CD302: variants seen among roughly 807,000 people sequenced by gnomAD.
CD302 encodes CD302 molecule.
Under a neutral mutation model 26.5 loss-of-function variants are expected in CD302, and 23 were observed. The ratio of observed to expected loss-of-function variants is 0.87; its 90% confidence interval spans 0.62 to 1.23. The LOEUF (loss-of-function observed/expected upper bound fraction) is 1.23. Ranked by LOEUF, CD302 falls within the 50% of genes most tolerant of loss-of-function variation. CD302 has a pLI of 0.00. For missense variants in CD302, 290 were observed against 275.5 expected, an observed-to-expected ratio of 1.05 and a Z score of -0.37; for synonymous variants, 90 against 99.4, an observed-to-expected ratio of 0.91 and a Z score of 0.56.
At chr2:159,794,269 C>CAATAAAATAAAATAA (rs746352509) in intron 1 of CD302, among the ~76,000 whole-genome samples, 1,279 of 108,384 alleles carry the variant, frequency 0.012, 51 homozygotes, top group African/African-American at 0.042. Context: ...TGTCTCAAAA[C>CAATAAAATAAAATAA]AATAAAATAA....
At position 159,771,866 on chromosome 2, in the gene CD302, AG is replaced by A. The variant is rs778627989; in HGVS notation, c.683del (p.Pro228LeufsTer13). On this transcript the variant is annotated frameshift_variant, in exon 6 of 6. Coordinates refer to ENST00000259053, the MANE Select transcript of CD302 (RefSeq NM_014880.5). LOFTEE classifies it high-confidence loss of function. Reference protein sequence around the residue: ...VLVVGEENEYPVQFD With the variant: ...VLVVGEENEYXVQFD ...TACCAAAAACTTAGTCAAATTGAACAGGATATTCATTTTCTTCTCCAACTAC... is the reference window on the plus strand; with the variant it reads ...TACCAAAAACTTAGTCAAATTGAACAGATATTCATTTTCTTCTCCAACTAC... 10 of 1,613,914 alleles carry A rather than the reference AG, an allele frequency of 6.2e-6. No homozygotes were observed. Among genetic ancestry groups the A allele is most frequent in the Non-Finnish European group, 8.5e-6 (10 of 1,179,838 alleles).
At chr2:159,772,928 C>G (rs1708199756) in intron 5 of CD302, among the ~76,000 whole-genome samples, 1 of 151,968 alleles carries the variant, frequency 6.6e-6, no homozygotes, top group Admixed American at 6.6e-5. Flanking sequence ...GAGGAAATGG[C>G]CCCAAGTGAA....
chr2:159,774,378 G>GT (rs1364984719), intron 5 of CD302, among the ~76,000 whole-genome samples: 2 of 152,050 alleles, frequency 1.3e-5, no homozygotes, highest in African/African-American at 4.8e-5. Flanking sequence ...TTTTTCTTCT[G>GT]TTTCCTATTT....
intron 1 of CD302, among the ~76,000 whole-genome samples, chr2:159,783,940 G>T (rs1444656965): frequency 6.6e-6 from 1 of 152,128 alleles, no homozygotes; most frequent in African/African-American, 2.4e-5. Flanking sequence ...ATTCACACAA[G>T]TTTTCATATT....
intron 5 of CD302, among the ~76,000 whole-genome samples, chr2:159,772,310 G>GTA (rs1180531683): frequency 6.6e-6 from 1 of 152,206 alleles, no homozygotes; most frequent in African/African-American, 2.4e-5. Context: ...AATCACGCAA[G>GTA]TATATACCAT....
In CD302 at chr2:159,771,536, T is replaced by C. The variant is rs926938121; in HGVS notation, c.*315A>G. ...AAGTGGGTCAACTAAATAGGGAAGA[T>C]ACAGCAGGCAAGACAAATAGGCTGG... On this transcript the variant is annotated 3_prime_UTR_variant, in exon 6 of 6. Coordinates refer to ENST00000259053, the MANE Select transcript of CD302 (RefSeq NM_014880.5). The C allele has an allele frequency of 1.7e-5, 4 of 234,202 alleles. No homozygotes were observed. Among genetic ancestry groups the C allele is most frequent in the African/African-American group, 6.9e-5 (3 of 43,438 alleles). 14.5% of individuals were successfully genotyped at this position (234,202 alleles called of 1,614,324 possible). A position where few individuals can be genotyped will look rare whatever the true frequency, so the allele number is the denominator to read the frequency against.
At chr2:159,783,788 A>G (rs1462143254) in intron 1 of CD302, among the ~76,000 whole-genome samples, 1 of 152,214 alleles carries the variant, frequency 6.6e-6, no homozygotes, top group Admixed American at 6.5e-5. Flanking sequence ...AAGACAGCCA[A>G]TCAGGATTAC....
intron 1 of CD302, among the ~76,000 whole-genome samples, chr2:159,795,601 C>G (rs185641353): frequency 5.0e-4 from 76 of 152,260 alleles, no homozygotes; most frequent in Admixed American, 2.4e-3. Flanking sequence ...AGGGAGGCTT[C>G]GGAGAAGGTG....
At position 159,779,651 on chromosome 2, in the gene CD302, C is replaced by T. The variant is rs200962048; in HGVS notation, c.469+354G>A. ...TCTATTTTTTTTTTTCTTTTTGAGACAGAGTGTTGCTCTGTTGCCCAGGCT... is the reference window on the plus strand; with the variant it reads ...TCTATTTTTTTTTTTCTTTTTGAGATAGAGTGTTGCTCTGTTGCCCAGGCT... On this transcript the variant is annotated intron_variant, in intron 4 of 5. Coordinates refer to ENST00000259053, the MANE Select transcript of CD302 (RefSeq NM_014880.5). Among the ~76,000 whole-genome samples, 26 of 151,402 alleles carry T rather than the reference C, an allele frequency of 1.7e-4. No homozygotes were observed. In the East Asian group the frequency reaches 4.7e-3, roughly 27 times the overall value.
rs1010143446 is a variant in CD302 at position 159,771,988 on chromosome 2, T to C, written c.562A>G (p.Ile188Val). The C allele has an allele frequency of 1.9e-6, 3 of 1,613,880 alleles. No homozygotes were observed. Among genetic ancestry groups the C allele is most frequent in the African/African-American group, 2.7e-5 (2 of 74,898 alleles). ...TGTTTTTTGTACAGGAACCAAATGA[T>C]TGCTCCCAAAACTGTCAAAATTACC... The part of the protein sequence containing the change: ...STVILTVLGA[I>V]IWFLYKKHSD... The change falls in exon 6 of 6, where the codon ATC becomes GTC. Residue 188 changes from isoleucine (I) to valine (V), a missense_variant. By Grantham distance (29) the Ile-to-Val change is conservative (BLOSUM62 3). Coordinates refer to ENST00000259053, the MANE Select transcript of CD302 (RefSeq NM_014880.5).
chr2:159,786,479 T>A (rs998454789), intron 1 of CD302, among the ~76,000 whole-genome samples: 1 of 151,686 alleles, frequency 6.6e-6, no homozygotes, highest in Non-Finnish European at 1.5e-5. Flanking sequence ...GATTACAGGC[T>A]CCCGCCACCA....
At chr2:159,792,213 C>T (rs879143454) in intron 1 of CD302, among the ~76,000 whole-genome samples, 1 of 152,106 alleles carries the variant, frequency 6.6e-6, no homozygotes, top group African/African-American at 2.4e-5. Flanking sequence ...ACCACAGTTC[C>T]TCACCACGTG....
chr2:159,780,740 T>C, intron 3 of CD302, 142 bp downstream of exon 3: 2 of 742,786 alleles, frequency 2.7e-6, no homozygotes, highest in Non-Finnish European at 4.6e-6. Context: ...AGCTGTGGTA[T>C]GATCATAGGT....
chr2:159,784,964 C>T (rs981706549), intron 1 of CD302, among the ~76,000 whole-genome samples: 2 of 141,020 alleles, frequency 1.4e-5, no homozygotes, highest in South Asian at 2.3e-4. Flanking sequence ...TCCCTGTATC[C>T]GTACAGACTT....
At chr2:159,781,092 C>A in intron 2 of CD302, 94 bp from the exon 3 acceptor site, 3 of 970,800 alleles carry the variant, frequency 3.1e-6, no homozygotes, top group Middle Eastern at 3.1e-4. Flanking sequence ...GCTTAACTTT[C>A]TATATATATT....
At position 159,770,816 on chromosome 2, in the gene CD302, T is replaced by TAAC. The variant is rs1553790060; in HGVS notation, c.*1032_*1034dup. 2.0e-5 allele frequency: 3 copies of TAAC among 152,198 alleles called. No homozygotes were observed. The allele number at this position is 152,198 out of a possible 1,614,324, so 9.4% of individuals were successfully genotyped here. A position where few individuals can be genotyped will look rare whatever the true frequency, so the allele number is the denominator to read the frequency against. The stretch of plus-strand genomic sequence containing the variant: ...AAGCTGATTTTCACACAAGATTCCC[T>TAAC]AACTATGCATTTCTTAGAACGTATC... On this transcript the variant is annotated 3_prime_UTR_variant, in exon 6 of 6. Coordinates refer to ENST00000259053, the MANE Select transcript of CD302 (RefSeq NM_014880.5).
intron 1 of CD302, among the ~76,000 whole-genome samples, chr2:159,787,146 C>T (rs1033753202): frequency 6.6e-6 from 1 of 152,092 alleles, no homozygotes; most frequent in Non-Finnish European, 1.5e-5. Flanking sequence ...CTTGTGAGTA[C>T]CTTTGTAGAA....
At chr2:159,777,784 T>A (rs1282029479) in intron 5 of CD302, among the ~76,000 whole-genome samples, 154 bp downstream of exon 5, 4 of 152,244 alleles carry the variant, frequency 2.6e-5, no homozygotes, top group Non-Finnish European at 4.4e-5. Flanking sequence ...AAATGTTGAG[T>A]CTTATTACTA....
intron 5 of CD302, among the ~76,000 whole-genome samples, chr2:159,773,668 A>G (rs1016269831): frequency 2.0e-5 from 3 of 152,218 alleles, no homozygotes; most frequent in African/African-American, 7.2e-5. Context: ...AGCTAGCTGC[A>G]TACTACTAAA....
Sources: allele counts gnomAD v4.1 joint callset (sites outside exome capture counted in the v4.1 genomes callset), GRCh38; gene constraint gnomAD v4.1.1; transcripts MANE v1.5; gene names NCBI Gene and HGNC (gene_info 2026-07-23, HGNC 2026-07-21).